Variants in PLXNA4 observed in about 807,000 individuals in gnomAD.
PLXNA4 encodes the protein plexin-A4.
Under a neutral mutation model 191.8 loss-of-function variants are expected in PLXNA4, and 44 were observed. That is an observed-to-expected ratio of 0.23 (90% CI 0.18 to 0.29). The LOEUF (loss-of-function observed/expected upper bound fraction) is 0.29, where lower values mean the gene tolerates loss of function less well. Ranked by LOEUF, PLXNA4 falls within the 10% of genes least tolerant of loss-of-function variation. The pLI is 1.00. For synonymous variants in PLXNA4, 1,082 were observed against 1,009.5 expected (o/e 1.07, Z -1.36); for missense variants, 1,800 against 2,488.8 (o/e 0.72, Z 5.89).
At chr7:132,156,301 G>T (rs918134276) in intron 25 of PLXNA4, among the ~76,000 whole-genome samples, 1 of 152,182 alleles carries the variant, frequency 6.6e-6, no homozygotes, top group Non-Finnish European at 1.5e-5. Context: ...AGGGAGAGGA[G>T]TGGGAGAGCT....
chr7:132,161,655 G>A (rs765520172), intron 24 of PLXNA4, among the ~76,000 whole-genome samples: 9 of 152,114 alleles, frequency 5.9e-5, no homozygotes, highest in Admixed American at 1.3e-4. Context: ...TTCCAGGTGC[G>A]CATCTAGAAC....
intron 3 of PLXNA4, 139 bp from the exon 4 acceptor site, chr7:132,298,361 G>T: frequency 8.4e-7 from 1 of 1,185,640 alleles, no homozygotes; most frequent in South Asian, 1.6e-5. Context: ...TAAAGCCAAG[G>T]AGTGGAGTGA....
chr7:132,137,608 C>A (rs1270031369), intron 30 of PLXNA4, among the ~76,000 whole-genome samples: 1 of 150,148 alleles, frequency 6.7e-6, no homozygotes, highest in Non-Finnish European at 1.5e-5. Flanking sequence ...AGCTTAAATT[C>A]TTGGATGAGG....
At position 132,508,325 on chromosome 7, in the gene PLXNA4, C is replaced by T. The variant is rs759964709; in HGVS notation, c.369G>A (p.Lys123=). The T allele has an allele frequency of 1.9e-5, 30 of 1,614,074 alleles. No homozygotes were observed. The highest frequency in any genetic ancestry group is 2.5e-5 in the Non-Finnish European group (30 of 1,180,050). Residue 123 remains lysine, a synonymous_variant, in exon 2 of 32, where the codon AAG becomes AAA. Coordinates refer to ENST00000321063, the MANE Select transcript of PLXNA4 (RefSeq NM_020911.2). The surrounding 1 kb of genome is among the most constrained non-coding windows in gnomAD (Gnocchi z 4.4). ...TCCCACAGGCAATCAGCCTGTTCTC[C>T]TTGTAGTCTATGAGGAGCATCTTGT... ...NVNKMLLIDY[K]ENRLIACGSL...
At chr7:132,576,541 C>T (rs1802248054), upstream of PLXNA4, 2 of 985,916 alleles carry the variant, frequency 2.0e-6, no homozygotes, top group East Asian at 2.3e-4. This position sits in a 1 kb window ranked among gnomAD's most constrained non-coding sequence, Gnocchi z 5.8. Context: ...GTGGCTGCCT[C>T]CTCCAGCCCC....
chr7:132,486,667 C>G (rs1797571713), intron 3 of PLXNA4, among the ~76,000 whole-genome samples: 1 of 152,248 alleles, frequency 6.6e-6, no homozygotes, highest in African/African-American at 2.4e-5. Context: ...GCCTCACCAG[C>G]CCCACCACTG....
intron 4 of PLXNA4, among the ~76,000 whole-genome samples, chr7:132,292,200 C>A (rs141984147): frequency 6.6e-6 from 1 of 152,160 alleles, no homozygotes; most frequent in Admixed American, 6.5e-5. Context: ...TAAAATATGA[C>A]GCAAAATATT....
At chr7:132,469,981 G>A (rs937296438) in intron 3 of PLXNA4, among the ~76,000 whole-genome samples, 2 of 152,288 alleles carry the variant, frequency 1.3e-5, no homozygotes, top group South Asian at 2.1e-4. Flanking sequence ...GTATACTGTC[G>A]GGTTCAGTGG....
intron 13 of PLXNA4, among the ~76,000 whole-genome samples, chr7:132,195,066 A>G (rs1015489044): frequency 6.6e-6 from 1 of 152,212 alleles, no homozygotes; most frequent in Admixed American, 6.5e-5. Flanking sequence ...ATATACGTAC[A>G]CACATATGTA....
intron 26 of PLXNA4, 116 bp from the exon 27 acceptor site, chr7:132,148,115 A>G: frequency 6.7e-7 from 1 of 1,498,374 alleles, no homozygotes; most frequent in East Asian, 2.3e-5. Context: ...CTGGAGAACT[A>G]GGGGACTTTG....
At chr7:132,250,081 T>C (rs552664201) in intron 4 of PLXNA4, among the ~76,000 whole-genome samples, 70 of 152,358 alleles carry the variant, frequency 4.6e-4, no homozygotes, top group Non-Finnish European at 8.2e-4. Context: ...GTTTGGATCC[T>C]GGATCTGCCA....
intron 4 of PLXNA4, among the ~76,000 whole-genome samples, chr7:132,283,962 C>T (rs2116415421): frequency 6.6e-6 from 1 of 152,298 alleles, no homozygotes; most frequent in East Asian, 1.9e-4. Context: ...ATCACTTAAG[C>T]CCAGGAGGAG....
At position 132,259,367 on chromosome 7, in the gene PLXNA4, C is replaced by T. The variant is rs187118593; in HGVS notation, c.1504-18201G>A. ...AGGATAATCACTTGAACCCAGGAGACAGAGGTTGCAGTGAGCCAAGATGGT... is the reference window on the plus strand; with the variant it reads ...AGGATAATCACTTGAACCCAGGAGATAGAGGTTGCAGTGAGCCAAGATGGT... On this transcript the variant is annotated intron_variant, in intron 4 of 31. Transcript: ENST00000321063. Among the ~76,000 whole-genome samples, 24 of 124,208 alleles carry T rather than the reference C, an allele frequency of 1.9e-4. No homozygotes were observed. The East Asian group carries it at 5.3e-3, about 28-fold the overall frequency. 81.5% of individuals were successfully genotyped at this position (124,208 alleles called of 152,430 possible).
intron 1 of PLXNA4, among the ~76,000 whole-genome samples, chr7:132,519,910 G>C (rs1563148707): frequency 6.6e-6 from 1 of 152,226 alleles, no homozygotes; most frequent in Non-Finnish European, 1.5e-5. Flanking sequence ...CTGGAAATAG[G>C]ATGGGGAAGA....
chr7:132,143,542 G>A (rs1795330294), intron 29 of PLXNA4, among the ~76,000 whole-genome samples: 1 of 152,200 alleles, frequency 6.6e-6, no homozygotes, highest in Non-Finnish European at 1.5e-5. Context: ...TCTGGGCAGA[G>A]CATTTTTTTT....
intron 3 of PLXNA4, among the ~76,000 whole-genome samples, chr7:132,386,237 C>T (rs1805132138): frequency 6.6e-6 from 1 of 152,200 alleles, no homozygotes; most frequent in Non-Finnish European, 1.5e-5. Flanking sequence ...AGAGTCATCC[C>T]CACCAGTCCT....
At position 132,365,346 on chromosome 7, in the gene PLXNA4, TGTGTGTGTGTGTGTGC is replaced by T. The variant is rs1302659196; in HGVS notation, c.1372-67140_1372-67125del. On this transcript the variant is annotated intron_variant, in intron 3 of 31. Coordinates refer to ENST00000321063, the MANE Select transcript of PLXNA4 (RefSeq NM_020911.2). ...CGGCCCGCGTGTGTGTGTGTGTGTGTGTGTGTGTGTGTGTGCGTGCGCGCGCATGCATGGGGCAAGA... is the reference window on the plus strand; with the variant it reads ...CGGCCCGCGTGTGTGTGTGTGTGTGTGTGCGCGCGCATGCATGGGGCAAGA... Among the ~76,000 whole-genome samples the T allele has an allele frequency of 3.2e-3, 362 of 111,418 alleles. 1 individual carries two copies. The highest frequency in any genetic ancestry group is 0.017 in the African/African-American group (345 of 20,392). The allele number at this position is 111,418 out of a possible 152,430, so 73.1% of individuals were successfully genotyped here. A position where few individuals can be genotyped will look rare whatever the true frequency, so the allele number is the denominator to read the frequency against.
chr7:132,571,507 G>A (rs1362522879), intron 1 of PLXNA4, among the ~76,000 whole-genome samples: 2 of 152,092 alleles, frequency 1.3e-5, no homozygotes, highest in African/African-American at 4.8e-5. Flanking sequence ...GAAACTCTAG[G>A]AGTAATAAAT....
intron 1 of PLXNA4, among the ~76,000 whole-genome samples, chr7:132,560,914 C>G (rs113087022): frequency 6.6e-6 from 1 of 152,082 alleles, no homozygotes; most frequent in Non-Finnish European, 1.5e-5. Flanking sequence ...TGATCAGCCC[C>G]GGCTCAGGAT....
Sources: gnomAD v4.1 joint callset for allele counts (sites outside exome capture counted in the v4.1 genomes callset) on GRCh38, gnomAD v4.1.1 for gene constraint, Gnocchi (gnomAD v3.1) non-coding constraint, MANE v1.5 for transcripts, NCBI Gene and HGNC (gene_info 2026-07-23, HGNC 2026-07-21) for gene names.